The following LDB2 variants were observed in gnomAD, a reference collection of about 807,000 sequenced individuals.
LDB2 encodes the protein LIM domain-binding protein 2.
In LDB2, 12 loss-of-function variants were observed where a neutral mutation model predicts 44.3. The ratio of observed to expected loss-of-function variants is 0.27; its 90% CI spans 0.17 to 0.44. The LOEUF (loss-of-function observed/expected upper bound fraction) is 0.44, where lower values mean the gene tolerates loss of function less well. Ranked by LOEUF, LDB2 falls within the 20% of genes least tolerant of loss-of-function variation. The pLI is 1.00. For missense variants in LDB2, 344 were observed against 473.5 expected, an observed-to-expected ratio of 0.73 and a Z score of 2.54; for synonymous variants, 164 against 174.8, an observed-to-expected ratio of 0.94 and a Z score of 0.49.
intron 2 of LDB2, among the ~76,000 whole-genome samples, chr4:16,662,544 TCC>T (rs1741877512): frequency 6.6e-6 from 1 of 152,140 alleles, no homozygotes; most frequent in East Asian, 1.9e-4. Flanking sequence ...TTTGGCTGTG[TCC>T]CCACCCAAAT....
intron 1 of LDB2, among the ~76,000 whole-genome samples, chr4:16,828,098 C>T (rs1783384201): frequency 6.6e-6 from 1 of 152,178 alleles, no homozygotes; most frequent in African/African-American, 2.4e-5. Flanking sequence ...CATCTGCTCT[C>T]CTCGCTCTCC....
intron 5 of LDB2, among the ~76,000 whole-genome samples, chr4:16,571,361 G>T (rs1279537128): frequency 6.6e-6 from 1 of 152,110 alleles, no homozygotes; most frequent in African/African-American, 2.4e-5. Flanking sequence ...GAGTTATCGT[G>T]GAATGAGTCC....
chr4:16,594,894 T>C (rs552662427), intron 3 of LDB2, among the ~76,000 whole-genome samples: 2 of 152,340 alleles, frequency 1.3e-5, no homozygotes, highest in African/African-American at 4.8e-5. Context: ...AATAAACTTC[T>C]GTTTGTCAGA....
intron 2 of LDB2, among the ~76,000 whole-genome samples, chr4:16,615,001 T>G (rs12644664): frequency 7.5e-6 from 1 of 132,630 alleles, no homozygotes; most frequent in Admixed American, 8.0e-5. Flanking sequence ...ACCCGGGAGG[T>G]GGAGCTTGCA....
At chr4:16,746,021 A>G (rs1764310822) in intron 2 of LDB2, among the ~76,000 whole-genome samples, 1 of 152,134 alleles carries the variant, frequency 6.6e-6, no homozygotes, top group Non-Finnish European at 1.5e-5. Flanking sequence ...ACTAATGATC[A>G]ATCTGACACC....
chr4:16,853,618 T>A (rs1255355392), intron 1 of LDB2, among the ~76,000 whole-genome samples: 1 of 152,182 alleles, frequency 6.6e-6, no homozygotes, highest in Non-Finnish European at 1.5e-5. Context: ...TAGTAATCCC[T>A]CTTCTGGACA....
rs767164410 is a variant in LDB2 at position 16,610,348 on chromosome 4, G to A, written c.236-14473C>T. 9.5e-4 allele frequency among the ~76,000 whole-genome samples: 144 copies of A among 152,122 alleles called. 1 individual carries two copies. Among genetic ancestry groups the A allele is most frequent in the Non-Finnish European group, 3.1e-4 (21 of 68,030 alleles). On this transcript the variant is annotated intron_variant, in intron 2 of 7. Transcript: ENST00000304523. ...CATCTCTCCATCAAGGGTGCAGAAC[G>A]GGGCAGAGGATCAGATGGATGAATT...
chr4:16,701,545 T>C (rs1435657220), intron 2 of LDB2, among the ~76,000 whole-genome samples: 1 of 152,228 alleles, frequency 6.6e-6, no homozygotes, highest in Non-Finnish European at 1.5e-5. Context: ...CCAAGAACAC[T>C]GTGATCGTAA....
intron 1 of LDB2, among the ~76,000 whole-genome samples, chr4:16,783,615 C>T (rs983505890): frequency 4.7e-4 from 72 of 152,242 alleles, no homozygotes; most frequent in African/African-American, 1.6e-3. Context: ...AGCCTTGCAG[C>T]TGTACTGTGT....
chr4:16,847,850 T>A (rs55902146), intron 1 of LDB2, among the ~76,000 whole-genome samples: 1 of 152,110 alleles, frequency 6.6e-6, no homozygotes, highest in Non-Finnish European at 1.5e-5. Flanking sequence ...TTTCCTGACC[T>A]CGTGATCCAC....
chr4:16,655,895 A>ATTTTTTTTTTTT, intron 2 of LDB2, among the ~76,000 whole-genome samples: 1 of 67,738 alleles, frequency 1.5e-5, no homozygotes, highest in African/African-American at 5.6e-5. Flanking sequence ...CTGCAAGAAA[A>ATTTTTTTTTTTT]CTTTTTTTTT....
intron 2 of LDB2, among the ~76,000 whole-genome samples, chr4:16,634,908 T>C (rs1733124993): frequency 1.3e-5 from 2 of 152,112 alleles, no homozygotes; most frequent in Non-Finnish European, 2.9e-5. Context: ...CCATCAATGA[T>C]AGACTGGATT....
At chr4:16,869,530 T>G (rs2110332126) in intron 1 of LDB2, among the ~76,000 whole-genome samples, 1 of 152,294 alleles carries the variant, frequency 6.6e-6, no homozygotes, top group South Asian at 2.1e-4. Flanking sequence ...TACAAGGCAG[T>G]TACTGCTACT....
At chr4:16,743,047 T>C (rs1763659825) in intron 2 of LDB2, among the ~76,000 whole-genome samples, 1 of 152,096 alleles carries the variant, frequency 6.6e-6, no homozygotes. Flanking sequence ...CCCAGCACTT[T>C]GGGAGCACAA....
At chr4:16,595,016 C>G (rs1720415665) in intron 3 of LDB2, among the ~76,000 whole-genome samples, 1 of 152,148 alleles carries the variant, frequency 6.6e-6, no homozygotes, top group Non-Finnish European at 1.5e-5. Context: ...TTCCATATGT[C>G]AATTTCCTAT....
At chr4:16,819,460 GA>G (rs369605183) in intron 1 of LDB2, among the ~76,000 whole-genome samples, 16 of 93,468 alleles carry the variant, frequency 1.7e-4, no homozygotes, top group South Asian at 4.4e-4. Flanking sequence ...CTGCACTCAG[GA>G]AAAAAAAAAA....
At chr4:16,678,725 G>T (rs536104230) in intron 2 of LDB2, among the ~76,000 whole-genome samples, 4 of 152,166 alleles carry the variant, frequency 2.6e-5, no homozygotes, top group African/African-American at 7.2e-5. Flanking sequence ...TTGATATGTG[G>T]TATACAAGGG....
At chr4:16,550,647 A>G (rs1214530716) in intron 5 of LDB2, among the ~76,000 whole-genome samples, 1 of 152,230 alleles carries the variant, frequency 6.6e-6, no homozygotes, top group Non-Finnish European at 1.5e-5. Flanking sequence ...AATGGGCATG[A>G]TGAGGACCCA....
At chr4:16,815,085 G>A (rs1780661248) in intron 1 of LDB2, among the ~76,000 whole-genome samples, 1 of 152,198 alleles carries the variant, frequency 6.6e-6, no homozygotes, top group South Asian at 2.1e-4. Flanking sequence ...CACAAAGCAG[G>A]AGAGCATGAA....
Sources: allele counts gnomAD v4.1 joint callset (sites outside exome capture counted in the v4.1 genomes callset), GRCh38; gene constraint gnomAD v4.1.1; transcripts MANE v1.5; gene names NCBI Gene and HGNC (gene_info 2026-07-23, HGNC 2026-07-21).